Variants in ITGB6 observed in about 807,000 individuals in gnomAD.
ITGB6 encodes integrin beta-6.
In ITGB6, 80 loss-of-function variants were observed where a neutral mutation model predicts 84.5. The observed-to-expected ratio is 0.95, with a 90% CI of 0.79 to 1.14. The LOEUF is 1.14. Among genes scored for constraint, ITGB6 ranks in the 50% most tolerant of loss-of-function variants. The pLI is 0.00. For missense variants in ITGB6, 1,006 were observed against 968.0 expected (o/e 1.04, Z -0.52); for synonymous variants, 383 against 354.9 (o/e 1.08, Z -0.89).
At position 160,107,873 on chromosome 2, in the gene ITGB6, G is replaced by A. The variant is rs990725585; in HGVS notation, c.2102-28C>T. ...GCAGAAATAAAGAAAATTATAAGAA[G>A]GTGGTAAAATCAACATTTTGACATC... On this transcript the variant is annotated intron_variant, in intron 13 of 14. Coordinates refer to ENST00000283249, the MANE Select transcript of ITGB6 (RefSeq NM_000888.5). The A allele has an allele frequency of 5.2e-6, 8 of 1,550,920 alleles. No homozygotes were observed. The African/African-American group carries it at 9.6e-5, about 19-fold the overall frequency.
chr2:160,104,402 T>C (rs1032115302), intron 14 of ITGB6, among the ~76,000 whole-genome samples: 12 of 152,198 alleles, frequency 7.9e-5, no homozygotes. Flanking sequence ...AAATGCAGGC[T>C]TGAGTCCTAC....
intron 11 of ITGB6, among the ~76,000 whole-genome samples, chr2:160,124,252 G>C (rs541189317): frequency 6.6e-6 from 1 of 152,174 alleles, no homozygotes; most frequent in South Asian, 2.1e-4. Context: ...AATATGATTA[G>C]AGACTGGGAG....
In ITGB6 at chr2:160,128,048, C is replaced by T. The variant is rs116320451; in HGVS notation, c.1661-1447G>A. ...CTCAAAAAATTCACTACTTAACACA[C>T]TTTAATTGAGCATATACTATGTGCC... On this transcript the variant is annotated intron_variant, in intron 10 of 14. Transcript: ENST00000283249. 6.2e-3 allele frequency among the ~76,000 whole-genome samples: 938 copies of T among 152,258 alleles called. 12 individuals are homozygous for T. Among genetic ancestry groups the T allele is most frequent in the African/African-American group, 0.021 (883 of 41,546 alleles).
chr2:160,131,202 TG>T (rs1224584291), intron 10 of ITGB6, among the ~76,000 whole-genome samples: 2 of 81,810 alleles, frequency 2.4e-5, no homozygotes, highest in Non-Finnish European at 5.6e-5. Context: ...TGACAATAAC[TG>T]TTAAGTGCAT....
At chr2:160,103,076 T>A (rs1440311630) in intron 14 of ITGB6, among the ~76,000 whole-genome samples, 1 of 152,206 alleles carries the variant, frequency 6.6e-6, no homozygotes, top group African/African-American at 2.4e-5. Context: ...TTACTGAGTA[T>A]GTATGGAATC....
intron 12 of ITGB6, among the ~76,000 whole-genome samples, chr2:160,118,865 C>T (rs1244699577): frequency 6.6e-6 from 1 of 152,134 alleles, no homozygotes; most frequent in Admixed American, 6.6e-5. Context: ...TTCTTATACA[C>T]CAATAATAGA....
At chr2:160,131,975 T>C (rs575574301) in intron 10 of ITGB6, among the ~76,000 whole-genome samples, 2 of 152,292 alleles carry the variant, frequency 1.3e-5, no homozygotes, top group Admixed American at 6.5e-5. Context: ...ATCTCTTTGA[T>C]CCAAGATTTA....
In ITGB6 at chr2:160,100,470, G is replaced by A. The variant is rs1696673289; in HGVS notation, c.*1266C>T. Reference sequence around the variant, plus strand: ...GCAGTTTCCTGCAGTGGAAAGAGGAGATGGCTTGGAGTTAGAAGAGCTAGA... The same window carrying A: ...GCAGTTTCCTGCAGTGGAAAGAGGAAATGGCTTGGAGTTAGAAGAGCTAGA... On this transcript the variant is annotated 3_prime_UTR_variant, in exon 15 of 15. Coordinates refer to ENST00000283249, the MANE Select transcript of ITGB6 (RefSeq NM_000888.5). 6.6e-6 allele frequency: 1 copy of A among 152,190 alleles called. No homozygotes were observed. The highest frequency in any genetic ancestry group is 2.4e-5 in the African/African-American group (1 of 41,452). The allele number at this position is 152,190 out of a possible 1,614,324, so 9.4% of individuals were successfully genotyped here. A position where few individuals can be genotyped will look rare whatever the true frequency, so the allele number is the denominator to read the frequency against.
At chr2:160,143,100 CA>C in intron 7 of ITGB6, among the ~76,000 whole-genome samples, 1 of 152,040 alleles carries the variant, frequency 6.6e-6, no homozygotes, top group East Asian at 1.9e-4. Context: ...CCAGCCTGGC[CA>C]ACATGGTGAA....
chr2:160,144,352 C>T (rs950706016), intron 7 of ITGB6, among the ~76,000 whole-genome samples: 3 of 152,138 alleles, frequency 2.0e-5, no homozygotes, highest in South Asian at 2.1e-4. Flanking sequence ...CTTTTGTTTC[C>T]CTGAGTCAGG....
chr2:160,167,254 T>C (rs956504773), intron 7 of ITGB6, among the ~76,000 whole-genome samples: 1 of 152,200 alleles, frequency 6.6e-6, no homozygotes, highest in African/African-American at 2.4e-5. Context: ...TAGTGGACCG[T>C]TTTCAGTTTT....
At chr2:160,157,629 T>C (rs1344245012) in intron 7 of ITGB6, among the ~76,000 whole-genome samples, 1 of 151,530 alleles carries the variant, frequency 6.6e-6, no homozygotes, top group Non-Finnish European at 1.5e-5. Flanking sequence ...TTAGAGATTA[T>C]AGAGCACTTT....
chr2:160,185,144 G>A (rs767725496), intron 4 of ITGB6, among the ~76,000 whole-genome samples: 7 of 152,024 alleles, frequency 4.6e-5, no homozygotes, highest in Non-Finnish European at 8.8e-5. Context: ...ATCAGGCAAG[G>A]GAAAGAAATA....
At chr2:160,198,113 T>C (rs949630945) in intron 2 of ITGB6, among the ~76,000 whole-genome samples, 5 of 152,228 alleles carry the variant, frequency 3.3e-5, no homozygotes, top group Admixed American at 3.3e-4. Flanking sequence ...ATGAAACTAA[T>C]ACTTCTTCAA....
At chr2:160,153,751 A>C (rs866043158) in intron 7 of ITGB6, among the ~76,000 whole-genome samples, 8 of 151,308 alleles carry the variant, frequency 5.3e-5, no homozygotes, top group African/African-American at 1.9e-4. Flanking sequence ...AGAAAAAAAA[A>C]CCCATCAACA....
intron 12 of ITGB6, among the ~76,000 whole-genome samples, chr2:160,120,662 T>A (rs1574051000): frequency 3.9e-4 from 9 of 23,258 alleles, no homozygotes; most frequent in Admixed American, 1.5e-3. Flanking sequence ...AAACTTAGAG[T>A]ATAATTAAAA....
chr2:160,133,441 C>T (rs555028800), intron 10 of ITGB6, among the ~76,000 whole-genome samples: 2 of 152,292 alleles, frequency 1.3e-5, no homozygotes, highest in South Asian at 2.1e-4. Context: ...GAGACTTAGA[C>T]TCCCACACAA....
intron 4 of ITGB6, 132 bp downstream of exon 4, chr2:160,195,237 G>T: frequency 2.6e-6 from 3 of 1,140,764 alleles, no homozygotes; most frequent in Non-Finnish European, 3.8e-6. Flanking sequence ...GCCTCTGAGA[G>T]AACTGCTGAG....
Position 160,137,694 on chromosome 2 carries a change from C to G in ITGB6, c.1400G>C (p.Cys467Ser). 6.2e-7 allele frequency: 1 copy of G among 1,614,216 alleles called. No individual in the cohort carries two copies. The highest frequency in any genetic ancestry group is 1.3e-5 in the African/African-American group (1 of 75,048). The change falls in exon 10 of 15, where the codon TGT (cysteine) becomes TCT (serine). Residue 467 changes from cysteine to serine, a missense_variant. Cys to Ser is a moderately radical substitution (Grantham distance 112, BLOSUM62 -1). Transcript: ENST00000283249. Reference sequence around the variant, plus strand: ...CTGGAAAGAGCCGTTCCCGTGGTGACATTTGGAGCTGTTCACTTCCACTTC... The same window carrying G: ...CTGGAAAGAGCCGTTCCCGTGGTGAGATTTGGAGCTGTTCACTTCCACTTC... ...QKEVEVNSSK[C>S]HHGNGSFQCG...
Sources: gnomAD v4.1 joint callset for allele counts (sites outside exome capture counted in the v4.1 genomes callset) on GRCh38, gnomAD v4.1.1 for gene constraint, MANE v1.5 for transcripts, NCBI Gene and HGNC (gene_info 2026-07-23, HGNC 2026-07-21) for gene names.